RB1: variants seen among roughly 807,000 people sequenced by gnomAD.
The protein encoded by RB1 is RB transcriptional corepressor 1, also known as retinoblastoma-associated protein.
In RB1, 18 loss-of-function variants were observed where a neutral mutation model predicts 135.4. That is an observed-to-expected ratio of 0.13 (90% CI 0.09 to 0.20). The LOEUF is 0.20. Among genes scored for constraint, RB1 ranks in the 10% least tolerant of loss-of-function variants. The pLI is 1.00. For synonymous variants in RB1, 365 were observed against 373.2 expected (o/e 0.98, Z 0.25); for missense variants, 868 against 1,110.0 (o/e 0.78, Z 3.10).
chr13:48,424,178 T>C (rs1949047514), intron 17 of RB1: 1 of 152,614 alleles, frequency 6.6e-6, no homozygotes, highest in African/African-American at 2.4e-5. Context: ...CATTTGTAAT[T>C]TATGTTGACA....
chr13:48,316,031 A>T (rs1952178640), intron 2 of RB1, among the ~76,000 whole-genome samples: 1 of 152,058 alleles, frequency 6.6e-6, no homozygotes, highest in African/African-American at 2.4e-5. Flanking sequence ...TTTATTTTCC[A>T]TATAAAAAGG....
intron 17 of RB1, among the ~76,000 whole-genome samples, chr13:48,450,820 A>T (rs1949322388): frequency 6.6e-6 from 1 of 152,202 alleles, no homozygotes; most frequent in South Asian, 2.1e-4. Flanking sequence ...TAAGCATGGA[A>T]TGTTTTTCCA....
chr13:48,443,205 T>TA (rs575202760), intron 17 of RB1, among the ~76,000 whole-genome samples: 19 of 151,460 alleles, frequency 1.3e-4, no homozygotes, highest in African/African-American at 4.1e-4. Flanking sequence ...TTGAAAGACT[T>TA]AAAAAAAATG....
At chr13:48,378,594 T>TA (rs755089073) in intron 13 of RB1, among the ~76,000 whole-genome samples, 3 of 151,986 alleles carry the variant, frequency 2.0e-5, no homozygotes, top group Non-Finnish European at 4.4e-5. Flanking sequence ...TTTTTTTTTT[T>TA]ACAAGTAGAA....
intron 18 of RB1, among the ~76,000 whole-genome samples, chr13:48,455,173 A>T (rs1461000628): frequency 6.6e-6 from 1 of 152,182 alleles, no homozygotes; most frequent in Non-Finnish European, 1.5e-5. Context: ...GATTTCAGGA[A>T]TTTGGAAAAT....
At chr13:48,329,505 G>A (rs1952315387) in intron 2 of RB1, among the ~76,000 whole-genome samples, 1 of 152,228 alleles carries the variant, frequency 6.6e-6, no homozygotes, top group Middle Eastern at 3.4e-3. Flanking sequence ...AGTTATTGTA[G>A]CTTTATTGAA....
intron 7 of RB1, among the ~76,000 whole-genome samples, chr13:48,361,512 T>C (rs1952639313): frequency 6.6e-6 from 1 of 152,168 alleles, no homozygotes; most frequent in Non-Finnish European, 1.5e-5. Context: ...TTCATCCTTA[T>C]ACATCTCAGT....
intron 17 of RB1, chr13:48,412,287 A>C (rs550320758): frequency 6.2e-7 from 1 of 1,613,974 alleles, no homozygotes; most frequent in Non-Finnish European, 8.5e-7. Context: ...TCGGACTTTG[A>C]GGACGCAGAT....
chr13:48,443,046 TAATA>T (rs1290853472), intron 17 of RB1, among the ~76,000 whole-genome samples: 4 of 152,086 alleles, frequency 2.6e-5, no homozygotes, highest in African/African-American at 9.7e-5. Context: ...GACATTTAAT[TAATA>T]AATCCATTTG....
Position 48,319,143 on chromosome 13 carries a change from G to T in RB1, c.264+11737G>T. 3.3e-6 allele frequency: 2 copies of T among 605,382 alleles called. No homozygotes were observed. Among genetic ancestry groups the T allele is most frequent in the Non-Finnish European group, 3.0e-6 (1 of 332,730 alleles). 37.5% of individuals were successfully genotyped at this position (605,382 alleles called of 1,614,324 possible). On this transcript the variant is annotated intron_variant, in intron 2 of 26. Transcript: ENST00000267163. The surrounding 1 kb of genome is among the most constrained non-coding windows in gnomAD (Gnocchi z 5.0). ...GGCGGAGCTTTGGTTTCCTTCGGGA[G>T]CTTGTGGGGAATGGTCAGCGTCTAG...
intron 17 of RB1, among the ~76,000 whole-genome samples, chr13:48,395,167 A>G (rs942777228): frequency 2.0e-5 from 3 of 152,212 alleles, no homozygotes; most frequent in Admixed American, 6.5e-5. Context: ...TGACTGTTAG[A>G]AGGAGAACTA....
rs756876412 is a variant in RB1 at position 48,459,886 on chromosome 13, A to ATTCTTTCT, written c.2106+112_2106+119dup. 4,511 of 1,006,760 alleles carry ATTCTTTCT rather than the reference A, an allele frequency of 4.5e-3. 260 individuals carry two copies. In the African/African-American group the frequency reaches 0.058, roughly 13 times the overall value. The allele number at this position is 1,006,760 out of a possible 1,614,324, so 62.4% of individuals were successfully genotyped here. On this transcript the variant is annotated intron_variant, in intron 20 of 26. Coordinates refer to ENST00000267163, the MANE Select transcript of RB1 (RefSeq NM_000321.3). ...CTCCTCCCTACTTACTTGTTAACTGATTCTTTCTTTCTTTCTTTCTTTCTT... is the reference window on the plus strand; with the variant it reads ...CTCCTCCCTACTTACTTGTTAACTGATTCTTTCTTTCTTTCTTTCTTTCTTTCTTTCTT...
chr13:48,443,910 C>A (rs758754678), intron 17 of RB1, among the ~76,000 whole-genome samples: 1 of 151,548 alleles, frequency 6.6e-6, no homozygotes, highest in Non-Finnish European at 1.5e-5. Context: ...TAGGAAAAAA[C>A]TCTCTCAAAC....
intron 2 of RB1, among the ~76,000 whole-genome samples, chr13:48,339,491 C>T (rs1952421761): frequency 6.6e-6 from 1 of 152,202 alleles, no homozygotes; most frequent in South Asian, 2.1e-4. Context: ...GATATAATCT[C>T]CTGGTGTGCT....
intron 17 of RB1, among the ~76,000 whole-genome samples, chr13:48,439,286 T>C (rs1043485730): frequency 6.6e-6 from 1 of 152,210 alleles, no homozygotes; most frequent in Non-Finnish European, 1.5e-5. Context: ...ATATTTAGCA[T>C]AGAACCTAGC....
chr13:48,307,373 T>A lies in RB1; in HGVS notation c.231T>A (p.Thr77=), dbSNP rs1277146164. Residue 77 remains threonine, a synonymous_variant, in exon 2 of 27, where the codon ACT becomes ACA. Transcript: ENST00000267163. The part of the protein sequence containing the change: ...PDHVRERAWL[T]WEKVSSVDGV... ...ATGTCAGAGAGAGAGCTTGGTTAAC[T>A]TGGGAGAAAGTTTCATCTGTGGATG... The A allele has an allele frequency of 6.2e-7, 1 of 1,613,366 alleles. No individual in the cohort carries two copies.
intron 17 of RB1, among the ~76,000 whole-genome samples, chr13:48,426,356 G>A: frequency 6.6e-6 from 1 of 152,210 alleles, no homozygotes; most frequent in East Asian, 1.9e-4. Context: ...TGCTCTGTCA[G>A]ATAAAGAAGT....
chr13:48,318,258 C>T (rs1483326336), intron 2 of RB1: 1 of 840,148 alleles, frequency 1.2e-6, no homozygotes, highest in South Asian at 1.9e-5. Context: ...CGGCGGGCTT[C>T]TGTCTTTCCA....
At chr13:48,407,100 T>A (rs1948746925) in intron 17 of RB1, among the ~76,000 whole-genome samples, 1 of 152,214 alleles carries the variant, frequency 6.6e-6, no homozygotes, top group South Asian at 2.1e-4. Flanking sequence ...CCTAGCACAT[T>A]TACCCCATGG....
Sources: gnomAD v4.1 joint callset for allele counts (sites outside exome capture counted in the v4.1 genomes callset) on GRCh38, gnomAD v4.1.1 for gene constraint, Gnocchi (gnomAD v3.1) non-coding constraint, MANE v1.5 for transcripts, NCBI Gene and HGNC (gene_info 2026-07-23, HGNC 2026-07-21) for gene names.